The following CALCRL variants were observed in gnomAD, a reference collection of about 807,000 sequenced individuals.
CALCRL encodes the protein calcitonin gene-related peptide type 1 receptor.
A neutral mutation model predicts 60.4 loss-of-function variants in CALCRL; 27 were observed. The observed-to-expected ratio is 0.45, with a 90% confidence interval of 0.33 to 0.62. The LOEUF is 0.62. CALCRL is among the 20% of genes least tolerant of loss of function. The pLI is 0.03. For missense variants in CALCRL, 424 were observed against 540.7 expected (o/e 0.78, Z 2.14); for synonymous variants, 190 against 182.6 (o/e 1.04, Z -0.33).
intron 1 of CALCRL, among the ~76,000 whole-genome samples, chr2:187,445,981 A>G (rs1691160646): frequency 6.6e-6 from 1 of 151,616 alleles, no homozygotes; most frequent in East Asian, 1.9e-4. Context: ...AAAAATCTAC[A>G]TATTTTAACT....
At chr2:187,346,465 T>C in intron 14 of CALCRL, 66 bp from the exon 15 acceptor site, 2 of 1,140,492 alleles carry the variant, frequency 1.8e-6, no homozygotes, top group Non-Finnish European at 2.5e-6. Flanking sequence ...GACACTGTTT[T>C]TGAAGCACAA....
chr2:187,398,046 G>A (rs1056470880), intron 1 of CALCRL, among the ~76,000 whole-genome samples: 6 of 151,598 alleles, frequency 4.0e-5, no homozygotes, highest in East Asian at 1.9e-4. Flanking sequence ...GCCATTTTCC[G>A]GTGATTTTAG....
At chr2:187,405,960 G>GGTGTGTGTGTGT (rs3079520) in intron 1 of CALCRL, among the ~76,000 whole-genome samples, 5 of 146,610 alleles carry the variant, frequency 3.4e-5, no homozygotes, top group Non-Finnish European at 6.0e-5. Context: ...TGTATGTAGG[G>GGTGTGTGTGTGT]GTGTGTGTGT....
intron 14 of CALCRL, among the ~76,000 whole-genome samples, chr2:187,348,857 A>C (rs1030583762): frequency 3.3e-5 from 5 of 151,812 alleles, no homozygotes; most frequent in Admixed American, 3.3e-4. Flanking sequence ...ATGAGAAAAA[A>C]TCAGTAGGAG....
intron 5 of CALCRL, among the ~76,000 whole-genome samples, chr2:187,381,434 G>GT (rs934043329): frequency 7.2e-5 from 11 of 151,836 alleles, no homozygotes; most frequent in African/African-American, 2.7e-4. Context: ...TTCTAATGTT[G>GT]TAACAGTCTA....
At chr2:187,369,403 C>T (rs1687428985) in intron 8 of CALCRL, among the ~76,000 whole-genome samples, 1 of 152,062 alleles carries the variant, frequency 6.6e-6, no homozygotes, top group African/African-American at 2.4e-5. Context: ...TAGACTATCC[C>T]CAGCATAGAG....
At chr2:187,405,373 AC>A (rs1470682125) in intron 1 of CALCRL, among the ~76,000 whole-genome samples, 1 of 152,044 alleles carries the variant, frequency 6.6e-6, no homozygotes, top group African/African-American at 2.4e-5. Context: ...AAGGATGGGC[AC>A]TGTCTCCAAA....
chr2:187,401,046 TG>T (rs1559062527), intron 1 of CALCRL, among the ~76,000 whole-genome samples: 1 of 151,588 alleles, frequency 6.6e-6, no homozygotes, highest in Non-Finnish European at 1.5e-5. Flanking sequence ...TGTGCAGGCT[TG>T]TTACATGGGT....
At chr2:187,399,912 G>T (rs1688814458) in intron 1 of CALCRL, among the ~76,000 whole-genome samples, 1 of 151,456 alleles carries the variant, frequency 6.6e-6, no homozygotes, top group African/African-American at 2.4e-5. Context: ...CATAGAAGTA[G>T]GGTAGAATGG....
In CALCRL at chr2:187,385,622, A is replaced by G. The variant is rs1688174541; in HGVS notation, c.-27T>C. On this transcript the variant is annotated 5_prime_UTR_variant, in exon 4 of 15. Transcript: ENST00000392370. ...ATTAAGCCAAAATGAAATATGCTGT[A>G]TAACATAAACTGCAACAGAAAATAA... The G allele has an allele frequency of 1.3e-6, 2 of 1,511,362 alleles. No homozygotes were observed. The highest frequency in any genetic ancestry group is 2.3e-5 in the East Asian group (1 of 43,946). The allele number at this position is 1,511,362 out of a possible 1,614,324, so 93.6% of individuals were successfully genotyped here. A position where few individuals can be genotyped will look rare whatever the true frequency, so the allele number is the denominator to read the frequency against.
Position 187,363,399 on chromosome 2 carries a change from G to C in CALCRL, c.604C>G (p.Gln202Glu). Residue 202 changes from glutamine to glutamate, a missense_variant, in exon 9 of 15, where the codon CAG becomes GAG. Gln to Glu is a conservative substitution (Grantham distance 29, BLOSUM62 2). Transcript: ENST00000392370. ...ACAGGATTTGTGGCTACTAAGGCCT[G>C]GTTGTTGGCCACTGCAGTGAGGTGA... Reference protein sequence around the residue: ...IIHLTAVANNQALVATNPVSC... With the variant: ...IIHLTAVANNEALVATNPVSC... The C allele has an allele frequency of 1.2e-6, 2 of 1,611,660 alleles. No individual in the cohort carries two copies. Among genetic ancestry groups the C allele is most frequent in the Non-Finnish European group, 1.7e-6 (2 of 1,178,852 alleles).
chr2:187,385,375 C>A (rs1389056667), intron 4 of CALCRL, among the ~76,000 whole-genome samples, 170 bp downstream of exon 4: 1 of 151,902 alleles, frequency 6.6e-6, no homozygotes, highest in Non-Finnish European at 1.5e-5. Context: ...TCATTCTATA[C>A]CTGTTATAGG....
In CALCRL at chr2:187,363,421, G is replaced by A. The variant is rs563186681; in HGVS notation, c.582C>T (p.His194=). ...CCTGGTTGTTGGCCACTGCAGTGAGGTGAATGATTGTTACAACAGAGTTAC... is the reference window on the plus strand; with the variant it reads ...CCTGGTTGTTGGCCACTGCAGTGAGATGAATGATTGTTACAACAGAGTTAC... ...FVCNSVVTII[H]LTAVANNQAL... is the part of the protein sequence containing the mutation. The change falls in exon 9 of 15, where the codon CAC becomes CAT. Residue 194 remains histidine, a synonymous_variant. Coordinates refer to ENST00000392370, the MANE Select transcript of CALCRL (RefSeq NM_005795.6). 9 of 1,612,734 alleles carry A rather than the reference G, an allele frequency of 5.6e-6. No individual in the cohort carries two copies. The African/African-American group carries it at 1.2e-4, about 22-fold the overall frequency.
chr2:187,355,614 C>A (rs1161590014), intron 12 of CALCRL, among the ~76,000 whole-genome samples: 1 of 151,976 alleles, frequency 6.6e-6, no homozygotes, highest in African/African-American at 2.4e-5. Context: ...TTGAATTTTA[C>A]ATGAAAAATA....
intron 1 of CALCRL, among the ~76,000 whole-genome samples, chr2:187,409,907 G>A (rs557527735): frequency 3.5e-4 from 54 of 152,276 alleles, no homozygotes; most frequent in African/African-American, 1.2e-3. Context: ...AAGGAATGGA[G>A]GGCAGAAGGC....
chr2:187,446,306 T>C (rs1328583582), intron 1 of CALCRL, among the ~76,000 whole-genome samples: 1 of 151,762 alleles, frequency 6.6e-6, no homozygotes, highest in Non-Finnish European at 1.5e-5. Flanking sequence ...AATATGAATT[T>C]TTATTTCAAA....
chr2:187,364,515 C>A (rs1374414558), intron 8 of CALCRL, among the ~76,000 whole-genome samples: 3 of 151,732 alleles, frequency 2.0e-5, no homozygotes, highest in Admixed American at 1.3e-4. Context: ...CTATATAATC[C>A]ACCATATATA....
Position 187,345,522 on chromosome 2 carries a change from C to T in CALCRL, c.*662G>A, listed in dbSNP as rs1686236416. 6.6e-6 allele frequency: 1 copy of T among 152,056 alleles called. No homozygotes were observed. Among genetic ancestry groups the T allele is most frequent in the Non-Finnish European group, 1.5e-5 (1 of 67,864 alleles). The allele number at this position is 152,056 out of a possible 1,614,324, so 9.4% of individuals were successfully genotyped here. A position where few individuals can be genotyped will look rare whatever the true frequency, so the allele number is the denominator to read the frequency against. On this transcript the variant is annotated 3_prime_UTR_variant, in exon 15 of 15. Coordinates refer to ENST00000392370, the MANE Select transcript of CALCRL (RefSeq NM_005795.6). ...TTATACATCCTGTTCATCCAGTTTC[C>T]ACAATGGATATGCCACAAGATATAA... is the stretch of plus-strand genomic sequence containing the variant.
intron 7 of CALCRL, among the ~76,000 whole-genome samples, chr2:187,379,359 T>G (rs1687896943): frequency 6.6e-6 from 1 of 152,118 alleles, no homozygotes; most frequent in Non-Finnish European, 1.5e-5. Flanking sequence ...AACTAGTATT[T>G]TATATTTTGT....
Sources: allele counts gnomAD v4.1 joint callset (sites outside exome capture counted in the v4.1 genomes callset), GRCh38; gene constraint gnomAD v4.1.1; transcripts MANE v1.5; gene names NCBI Gene and HGNC (gene_info 2026-07-23, HGNC 2026-07-21).